Variants in TCERG1 observed in about 807,000 individuals in gnomAD.
TCERG1 encodes the protein transcription elongation regulator 1, also known as TATA box binding protein (TBP)-associated factor, RNA polymerase II, S, 150kD.
In TCERG1, 37 loss-of-function variants were observed where a neutral mutation model predicts 144.7. The ratio of observed to expected loss-of-function variants is 0.26; its 90% CI spans 0.20 to 0.34. The LOEUF (loss-of-function observed/expected upper bound fraction) is 0.34. TCERG1 is among the 10% of genes least tolerant of loss of function. TCERG1 has a pLI of 1.00. For missense variants in TCERG1, 1,027 were observed against 1,380.7 expected (o/e 0.74, Z 4.06); for synonymous variants, 492 against 458.2 (o/e 1.07, Z -0.94).
At position 146,498,110 on chromosome 5, in the gene TCERG1, A is replaced by G. The variant is rs73309475; in HGVS notation, c.2283-426A>G. On this transcript the variant is annotated intron_variant, in intron 16 of 22. Transcript: ENST00000679501. ...TTCAGTCTTACTCTTTCTGTTGTCT[A>G]CTCCTTGAAATCGGTTGCCTCATAT... Among the ~76,000 whole-genome samples, 836 of 151,896 alleles carry G rather than the reference A, an allele frequency of 5.5e-3. 9 individuals carry two copies. Among genetic ancestry groups the G allele is most frequent in the African/African-American group, 0.019 (793 of 41,410 alleles).
At chr5:146,506,602 T>G (rs761704491) in intron 19 of TCERG1, among the ~76,000 whole-genome samples, 2 of 152,230 alleles carry the variant, frequency 1.3e-5, no homozygotes, top group Non-Finnish European at 2.9e-5. Flanking sequence ...TCTCAAAACT[T>G]ATTTCTGCTG....
At chr5:146,502,488 C>T (rs1342994344) in intron 17 of TCERG1, among the ~76,000 whole-genome samples, 1 of 152,102 alleles carries the variant, frequency 6.6e-6, no homozygotes, top group Admixed American at 6.5e-5. Flanking sequence ...ATAAAAATAA[C>T]TATCTCATTT....
intron 15 of TCERG1, among the ~76,000 whole-genome samples, chr5:146,491,544 G>A (rs1230201840): frequency 6.6e-6 from 1 of 152,102 alleles, no homozygotes; most frequent in East Asian, 1.9e-4. Context: ...AATGTTTTAG[G>A]CTGGTCAGAT....
chr5:146,453,174 A>G lies in TCERG1; in HGVS notation c.60-1882A>G, dbSNP rs191580710. 1.9e-3 allele frequency among the ~76,000 whole-genome samples: 294 copies of G among 152,270 alleles called. 3 individuals carry two copies. The highest frequency in any genetic ancestry group is 5.4e-4 in the Non-Finnish European group (37 of 68,018). On this transcript the variant is annotated intron_variant, in intron 1 of 22. Transcript: ENST00000679501. ...TTTGCTTAAATGCTGTGGAGAAAAT[A>G]CATTAGGGTGTTGAGAGTGAGGGGT...
chr5:146,477,024 A>C (rs1764901562), intron 9 of TCERG1, among the ~76,000 whole-genome samples: 1 of 152,290 alleles, frequency 6.6e-6, no homozygotes, highest in East Asian at 1.9e-4. Flanking sequence ...TCAGCATCTC[A>C]AAGTGCAGGT....
chr5:146,509,124 C>CTTTT (rs748811806), intron 21 of TCERG1, 21 bp from the exon 22 acceptor site: 15 of 1,130,238 alleles, frequency 1.3e-5, no homozygotes, highest in Admixed American at 5.2e-5. Flanking sequence ...ATAATCTCAA[C>CTTTT]TTTTTTTTTT....
At position 146,503,626 on chromosome 5, in the gene TCERG1, A is replaced by T. The variant is rs572859505; in HGVS notation, c.2598+87A>T. ...ATATGTTGTTGTTGGGGATTTTTCT[A>T]TTGGGGGTTTGGATTTTTTCTTGTT... On this transcript the variant is annotated intron_variant, in intron 18 of 22. Coordinates refer to ENST00000679501, the MANE Select transcript of TCERG1 (RefSeq NM_001382548.1). 146 of 1,500,066 alleles carry T rather than the reference A, an allele frequency of 9.7e-5. No homozygotes were observed. In the African/African-American group the frequency reaches 1.9e-3, roughly 19 times the overall value. 92.9% of individuals were successfully genotyped at this position (1,500,066 alleles called of 1,614,324 possible).
chr5:146,456,097 GT>G lies in TCERG1; in HGVS notation c.285+817del, dbSNP rs1387854641. ...ACTAAAAATGGAAGAAGACAATGAT[GT>G]GCCATTTAAGTGATGTTAATTCTGT... is the stretch of plus-strand genomic sequence containing the variant. On this transcript the variant is annotated intron_variant, in intron 2 of 22. Coordinates refer to ENST00000679501, the MANE Select transcript of TCERG1 (RefSeq NM_001382548.1). Among the ~76,000 whole-genome samples the G allele has an allele frequency of 3.3e-5, 5 of 152,172 alleles. No homozygotes were observed. The East Asian group carries it at 9.6e-4, about 29-fold the overall frequency.
intron 3 of TCERG1, 101 bp from the exon 4 acceptor site, chr5:146,458,783 G>A (rs1056504789): frequency 1.9e-5 from 28 of 1,477,196 alleles, no homozygotes; most frequent in South Asian, 2.7e-5. Context: ...CTGGCCCTAC[G>A]TTATTTTTAA....
chr5:146,460,614 AAATT>A (rs1348304658), intron 4 of TCERG1, among the ~76,000 whole-genome samples: 3 of 152,128 alleles, frequency 2.0e-5, no homozygotes, highest in East Asian at 1.9e-4. Flanking sequence ...TATAAGAGAG[AAATT>A]AATTCACATT....
Position 146,470,619 on chromosome 5 carries a change from C to T in TCERG1, c.1400-17C>T. 6.3e-7 allele frequency: 1 copy of T among 1,583,384 alleles called. No individual in the cohort carries two copies. On this transcript the variant is annotated splice_polypyrimidine_tract_variant and intron_variant, in intron 7 of 22. Transcript: ENST00000679501. Reference sequence around the variant, plus strand: ...CGTCAAAACCTTTGAGTGACATTATCTTAATTTTTTTCATAGAAAAGTTAG... The same window carrying T: ...CGTCAAAACCTTTGAGTGACATTATTTTAATTTTTTTCATAGAAAAGTTAG...
intron 9 of TCERG1, among the ~76,000 whole-genome samples, chr5:146,474,456 G>A (rs1764641548): frequency 6.6e-6 from 1 of 152,188 alleles, no homozygotes; most frequent in South Asian, 2.1e-4. Context: ...GAAATAATAA[G>A]GGATTTAGAA....
Position 146,458,925 on chromosome 5 carries a change from C to A in TCERG1, c.480C>A (p.Thr160=), listed in dbSNP as rs759037805. The change falls in exon 4 of 23, where the codon ACC becomes ACA. Residue 160 remains threonine, a synonymous_variant. Coordinates refer to ENST00000679501, the MANE Select transcript of TCERG1 (RefSeq NM_001382548.1). ...CTCGGACACGTGAATCTGCATGGAC[C>A]AAGCCAGATGGAGTTAAGGTTATTC... The part of the protein sequence containing the change: ...YNARTRESAW[T]KPDGVKVIQQ... 13 of 1,614,038 alleles carry A rather than the reference C, an allele frequency of 8.1e-6. No homozygotes were observed. The highest frequency in any genetic ancestry group is 1.1e-5 in the Non-Finnish European group (13 of 1,180,034).
intron 1 of TCERG1, among the ~76,000 whole-genome samples, chr5:146,450,426 C>T (rs1023375877): frequency 6.6e-6 from 1 of 152,062 alleles, no homozygotes; most frequent in African/African-American, 2.4e-5. Flanking sequence ...TTAATGTGGG[C>T]CAGGTTATAC....
intron 1 of TCERG1, among the ~76,000 whole-genome samples, chr5:146,450,342 A>T (rs1762245601): frequency 6.6e-6 from 1 of 152,246 alleles, no homozygotes; most frequent in South Asian, 2.1e-4. Flanking sequence ...TGCTCGGCAA[A>T]GAGAACAGGT....
chr5:146,494,957 G>T (rs532375151), intron 16 of TCERG1, among the ~76,000 whole-genome samples: 1 of 152,120 alleles, frequency 6.6e-6, no homozygotes, highest in East Asian at 1.9e-4. Context: ...TCACAGTTAA[G>T]AAATAAGTCA....
intron 4 of TCERG1, chr5:146,461,969 A>G (rs778512490): frequency 3.3e-5 from 5 of 152,542 alleles, no homozygotes; most frequent in African/African-American, 4.8e-5. Flanking sequence ...TGTACTTTGT[A>G]TTTTTCACAC....
At chr5:146,453,373 C>A (rs1762525857) in intron 1 of TCERG1, among the ~76,000 whole-genome samples, 1 of 152,146 alleles carries the variant, frequency 6.6e-6, no homozygotes, top group African/African-American at 2.4e-5. Context: ...ACCTCTTCTG[C>A]TTTACTATTT....
At chr5:146,499,187 A>C (rs187582721) in intron 17 of TCERG1, among the ~76,000 whole-genome samples, 137 of 152,324 alleles carry the variant, frequency 9.0e-4, no homozygotes, top group Non-Finnish European at 1.7e-3. Context: ...CAGTGTCAGG[A>C]GTGGAGAGGA....
Sources: gnomAD v4.1 joint callset for allele counts (sites outside exome capture counted in the v4.1 genomes callset) on GRCh38, gnomAD v4.1.1 for gene constraint, MANE v1.5 for transcripts, NCBI Gene and HGNC (gene_info 2026-07-23, HGNC 2026-07-21) for gene names.